The following DPP6 variants were observed in gnomAD, a reference collection of about 807,000 sequenced individuals.
The protein encoded by DPP6 is A-type potassium channel modulatory protein DPP6.
A neutral mutation model predicts 122.6 loss-of-function variants in DPP6; 69 were observed. The observed-to-expected ratio is 0.56, with a 90% CI of 0.46 to 0.69. The LOEUF (loss-of-function observed/expected upper bound fraction) is 0.69, where lower values mean the gene tolerates loss of function less well. DPP6 is among the 30% of genes least tolerant of loss of function. The pLI is 0.00. For missense variants in DPP6, 928 were observed against 1,116.9 expected (o/e 0.83, Z 2.41); for synonymous variants, 418 against 433.1 (o/e 0.97, Z 0.43).
chr7:154,588,730 G>A (rs1832629782), intron 5 of DPP6: 1 of 149,518 alleles, frequency 6.7e-6, no homozygotes, highest in Non-Finnish European at 1.5e-5. Flanking sequence ...TAATCTTGTG[G>A]TCTTTCTCCA....
chr7:154,599,680 C>T (rs1227873370), intron 5 of DPP6, among the ~76,000 whole-genome samples: 1 of 151,914 alleles, frequency 6.6e-6, no homozygotes, highest in Non-Finnish European at 1.5e-5. Flanking sequence ...AGCCCCCCAC[C>T]CCATGACAGG....
At chr7:154,428,952 G>A (rs941981602) in intron 1 of DPP6, among the ~76,000 whole-genome samples, 6 of 152,062 alleles carry the variant, frequency 3.9e-5, no homozygotes, top group African/African-American at 9.7e-5. Flanking sequence ...AGCACTGTAC[G>A]CTTCATCCAC....
chr7:154,354,625 C>T (rs1379209029), intron 1 of DPP6, among the ~76,000 whole-genome samples: 1 of 152,144 alleles, frequency 6.6e-6, no homozygotes, highest in African/African-American at 2.4e-5. Flanking sequence ...GCTTTGGAAC[C>T]CTGTATAAAT....
chr7:154,436,922 TA>T (rs1286046877), intron 1 of DPP6, among the ~76,000 whole-genome samples: 25 of 152,258 alleles, frequency 1.6e-4, no homozygotes, highest in Admixed American at 1.6e-3. Flanking sequence ...TTATATTCTT[TA>T]CTGTCTGATC....
chr7:154,646,038 A>AAAAAAAAAG lies in DPP6; in HGVS notation c.680+8172_680+8173insAGAAAAAAA, dbSNP rs1432408504. On this transcript the variant is annotated intron_variant, in intron 6 of 25. Coordinates refer to ENST00000377770, the MANE Select transcript of DPP6 (RefSeq NM_130797.4). ...GTGAGACTCCGTCTCAAAAAAAAAA[A>AAAAAAAAAG]AAAAAAAGAAAATACTGAGGGCTCT... Among the ~76,000 whole-genome samples the AAAAAAAAAG allele has an allele frequency of 1.9e-3, 291 of 150,106 alleles. 11 individuals carry two copies. The highest frequency in any genetic ancestry group is 3.3e-3 in the Non-Finnish European group (220 of 67,388).
the DPP6 span, among the ~76,000 whole-genome samples, chr7:153,775,315 C>CA: frequency 6.9e-6 from 1 of 145,444 alleles, no homozygotes; most frequent in Admixed American, 6.9e-5. Context: ...GCAATAGACA[C>CA]AAAAATTGAA....
chr7:154,615,975 T>C (rs1834225944), intron 5 of DPP6, among the ~76,000 whole-genome samples: 1 of 152,226 alleles, frequency 6.6e-6, no homozygotes. Flanking sequence ...GTACAGTGTC[T>C]ATCTTTCTGC....
the DPP6 span, among the ~76,000 whole-genome samples, chr7:153,820,073 C>T: frequency 6.6e-6 from 1 of 152,026 alleles, no homozygotes. Context: ...TTTCATATGC[C>T]TAATATTTTA....
chr7:154,819,948 A>G (rs1048920435), intron 16 of DPP6, among the ~76,000 whole-genome samples: 2 of 152,208 alleles, frequency 1.3e-5, no homozygotes, highest in African/African-American at 4.8e-5. Context: ...CCCCTAAGAC[A>G]AAAGGAGACT....
intron 3 of DPP6, among the ~76,000 whole-genome samples, chr7:154,476,313 A>C (rs976731606): frequency 6.6e-6 from 1 of 152,206 alleles, no homozygotes; most frequent in Non-Finnish European, 1.5e-5. Context: ...AAACAAAACA[A>C]AACAGCACAG....
rs181989790 is a variant in DPP6, at chr7:153,888,120, G to A, written c.51+386G>A. 2.9e-3 allele frequency among the ~76,000 whole-genome samples: 447 copies of A among 152,154 alleles called. 6 individuals are homozygous for A. Among genetic ancestry groups the A allele is most frequent in the African/African-American group, 0.01 (421 of 41,530 alleles). The stretch of plus-strand genomic sequence containing the variant: ...AGGTGGTCACTTCGGCCAGGGAAGG[G>A]CCACTGGGCCCTGGCGCCCGCGCCG... On this transcript the variant is annotated intron_variant, in intron 1 of 25. Transcript: ENST00000404039.
Position 154,893,582 on chromosome 7 carries a change from A to G in DPP6, c.*1102A>G, listed in dbSNP as rs1806824423. ...GTGGGCCTGCGCGCATCCCTCTCCC[A>G]TCGTGGGGGTGGCTCCGTGACCTTC... is the stretch of plus-strand genomic sequence containing the variant. On this transcript the variant is annotated 3_prime_UTR_variant, in exon 26 of 26. Coordinates refer to ENST00000377770, the MANE Select transcript of DPP6 (RefSeq NM_130797.4). 1 of 150,766 alleles carries G rather than the reference A, an allele frequency of 6.6e-6. No homozygotes were observed. Among genetic ancestry groups the G allele is most frequent in the Non-Finnish European group, 1.5e-5 (1 of 67,894 alleles). The allele number at this position is 150,766 out of a possible 1,614,324, so 9.3% of individuals were successfully genotyped here. A position where few individuals can be genotyped will look rare whatever the true frequency, so the allele number is the denominator to read the frequency against.
intron 7 of DPP6, among the ~76,000 whole-genome samples, chr7:154,685,564 T>C (rs1393358593): frequency 6.6e-6 from 1 of 152,204 alleles, no homozygotes; most frequent in Non-Finnish European, 1.5e-5. Context: ...TTAATAAACT[T>C]TGAAGTTTCA....
intron 1 of DPP6, among the ~76,000 whole-genome samples, chr7:154,165,289 G>C (rs1369688124): frequency 6.9e-6 from 1 of 144,608 alleles, no homozygotes; most frequent in African/African-American, 2.8e-5. Flanking sequence ...AGTTTACTGA[G>C]AATGATGATT....
At chr7:154,778,551 G>A (rs999253445) in intron 10 of DPP6, among the ~76,000 whole-genome samples, 1 of 150,470 alleles carries the variant, frequency 6.6e-6, no homozygotes, top group East Asian at 1.9e-4. Context: ...CTAATGGCTT[G>A]AGCACCCCCC....
At chr7:154,188,412 C>T (rs1233460758) in intron 1 of DPP6, among the ~76,000 whole-genome samples, 1 of 151,858 alleles carries the variant, frequency 6.6e-6, no homozygotes, top group Non-Finnish European at 1.5e-5. Context: ...AAGACATAGT[C>T]CTTATCTTAA....
chr7:153,754,592 G>A, the DPP6 span, among the ~76,000 whole-genome samples: 1 of 152,156 alleles, frequency 6.6e-6, no homozygotes. Context: ...CCATCTTTGG[G>A]AATTTGGTGG....
At chr7:153,826,231 C>T in the DPP6 span, among the ~76,000 whole-genome samples, 1 of 152,124 alleles carries the variant, frequency 6.6e-6, no homozygotes, top group African/African-American at 2.4e-5. Context: ...TAGGGTATTT[C>T]AAGCTAAAGG....
intron 5 of DPP6, among the ~76,000 whole-genome samples, chr7:154,622,785 C>T (rs1586753140): frequency 6.6e-6 from 1 of 152,164 alleles, no homozygotes; most frequent in Non-Finnish European, 1.5e-5. Flanking sequence ...ACATGGACCA[C>T]GGTCCCAGCC....
Sources: allele counts gnomAD v4.1 joint callset (sites outside exome capture counted in the v4.1 genomes callset), GRCh38; gene constraint gnomAD v4.1.1; transcripts MANE v1.5; gene names NCBI Gene and HGNC (gene_info 2026-07-23, HGNC 2026-07-21).